The following UNC5D variants were observed in gnomAD, a reference collection of about 807,000 sequenced individuals.
UNC5D encodes the protein netrin receptor UNC5D.
UNC5D carries 39 observed loss-of-function variants against 105.4 expected under a neutral mutation model. The observed-to-expected ratio is 0.37, with a 90% confidence interval of 0.29 to 0.48. The LOEUF is 0.48. Ranked by LOEUF, UNC5D falls within the 20% of genes least tolerant of loss-of-function variation. UNC5D has a pLI of 0.98. For synonymous variants in UNC5D, 452 were observed against 450.4 expected (o/e 1.00, Z -0.04); for missense variants, 991 against 1,202.4 (o/e 0.82, Z 2.60).
chr8:35,794,081 G>A lies in UNC5D; in HGVS notation c.*3518G>A, dbSNP rs1803163055. ...TGTAGATGATTAAAATAGGATAATT[G>A]GTTTTAGATAATATCTTCTACTGCC... On this transcript the variant is annotated 3_prime_UTR_variant, in exon 17 of 17. Coordinates refer to ENST00000404895, the MANE Select transcript of UNC5D (RefSeq NM_080872.4). 1 of 151,998 alleles carries A rather than the reference G, an allele frequency of 6.6e-6. No individual in the cohort carries two copies. Among genetic ancestry groups the A allele is most frequent in the Non-Finnish European group, 1.5e-5 (1 of 67,980 alleles). 9.4% of individuals were successfully genotyped at this position (151,998 alleles called of 1,614,324 possible).
intron 1 of UNC5D, among the ~76,000 whole-genome samples, chr8:35,417,015 G>A (rs1335095712): frequency 1.3e-5 from 2 of 152,072 alleles, no homozygotes; most frequent in African/African-American, 4.8e-5. Flanking sequence ...ATACAGGCAT[G>A]CAATACATAT....
chr8:35,330,716 C>T (rs1810549722), intron 1 of UNC5D, among the ~76,000 whole-genome samples: 1 of 152,096 alleles, frequency 6.6e-6, no homozygotes. Context: ...ACTTTGATTA[C>T]CATAGAGTGG....
In UNC5D at chr8:35,791,223, AG is replaced by A. The variant is rs1187480458; in HGVS notation, c.*661del. On this transcript the variant is annotated 3_prime_UTR_variant, in exon 17 of 17. Transcript: ENST00000404895. The stretch of plus-strand genomic sequence containing the variant: ...TACTCCACCTTTTACTTTTTTCCTG[AG>A]ACAAATCTACCCTTATTCTTTCTTC... 1 of 153,752 alleles carries A rather than the reference AG, an allele frequency of 6.5e-6. No homozygotes were observed. The highest frequency in any genetic ancestry group is 2.4e-5 in the African/African-American group (1 of 41,462). 9.5% of individuals were successfully genotyped at this position (153,752 alleles called of 1,614,324 possible). A position where few individuals can be genotyped will look rare whatever the true frequency, so the allele number is the denominator to read the frequency against.
intron 1 of UNC5D, among the ~76,000 whole-genome samples, chr8:35,313,321 T>A (rs1809037627): frequency 6.6e-6 from 1 of 152,178 alleles, no homozygotes; most frequent in Non-Finnish European, 1.5e-5. Context: ...GATGCTCTGC[T>A]CCTCTGATAC....
chr8:35,445,090 C>A (rs566101897), intron 1 of UNC5D, among the ~76,000 whole-genome samples: 1 of 151,868 alleles, frequency 6.6e-6, no homozygotes, highest in Non-Finnish European at 1.5e-5. Flanking sequence ...GTACATCAGA[C>A]CTTATCCATT....
chr8:35,306,307 G>A (rs536526877), intron 1 of UNC5D, among the ~76,000 whole-genome samples: 7 of 151,774 alleles, frequency 4.6e-5, no homozygotes, highest in African/African-American at 7.3e-5. Flanking sequence ...ATCCACTGAG[G>A]TTTTTTTGTT....
intron 11 of UNC5D, among the ~76,000 whole-genome samples, chr8:35,739,807 G>A (rs1312319162): frequency 1.3e-5 from 2 of 151,978 alleles, no homozygotes; most frequent in African/African-American, 2.4e-5. Context: ...ACTTCATTTT[G>A]TTATAGCCTA....
intron 4 of UNC5D, among the ~76,000 whole-genome samples, chr8:35,621,246 G>A (rs1013173151): frequency 6.6e-6 from 1 of 152,136 alleles, no homozygotes; most frequent in Non-Finnish European, 1.5e-5. Flanking sequence ...ATTTTTGTTT[G>A]AATTGAGTCC....
chr8:35,745,988 T>C (rs1829985185), intron 11 of UNC5D, among the ~76,000 whole-genome samples: 1 of 152,058 alleles, frequency 6.6e-6, no homozygotes, highest in African/African-American at 2.4e-5. Context: ...CATTTTTTTT[T>C]TTGTCCACAT....
intron 7 of UNC5D, among the ~76,000 whole-genome samples, chr8:35,688,982 C>A (rs1826211133): frequency 6.6e-6 from 1 of 152,198 alleles, no homozygotes; most frequent in Non-Finnish European, 1.5e-5. Flanking sequence ...CTGACTGAGC[C>A]ATGGGATGTC....
chr8:35,327,405 T>C (rs550861063), intron 1 of UNC5D, among the ~76,000 whole-genome samples: 4 of 152,322 alleles, frequency 2.6e-5, no homozygotes, highest in African/African-American at 9.6e-5. Context: ...GACCCGTGCA[T>C]ACCACTGGTG....
chr8:35,516,988 C>G (rs1813140195), intron 1 of UNC5D, among the ~76,000 whole-genome samples: 1 of 152,208 alleles, frequency 6.6e-6, no homozygotes, highest in Admixed American at 6.5e-5. Context: ...ATGCTGTTCT[C>G]TTCATTGACA....
At chr8:35,509,767 A>C (rs1812578901) in intron 1 of UNC5D, among the ~76,000 whole-genome samples, 1 of 151,944 alleles carries the variant, frequency 6.6e-6, no homozygotes, top group South Asian at 2.1e-4. Context: ...CCTGTAATTC[A>C]GATCCCACAG....
chr8:35,789,891 AG>A (rs1271115102), intron 16 of UNC5D, among the ~76,000 whole-genome samples: 19 of 135,620 alleles, frequency 1.4e-4, no homozygotes, highest in African/African-American at 5.8e-4. Context: ...ATAGTCAAGA[AG>A]AAAACACACA....
intron 1 of UNC5D, among the ~76,000 whole-genome samples, chr8:35,412,122 T>C (rs982410483): frequency 6.6e-6 from 1 of 152,064 alleles, no homozygotes; most frequent in African/African-American, 2.4e-5. Flanking sequence ...CAGTGTCTGG[T>C]GGTCTGCTTT....
At chr8:35,747,448 C>A (rs1462886484) in intron 11 of UNC5D, among the ~76,000 whole-genome samples, 1 of 152,068 alleles carries the variant, frequency 6.6e-6, no homozygotes. Flanking sequence ...CTTTTTTGGT[C>A]AAGGATGAAG....
chr8:35,235,679 C>T lies in UNC5D; in HGVS notation c.-106C>T. The T allele has an allele frequency of 1.2e-6, 1 of 849,626 alleles. No homozygotes were observed. Among genetic ancestry groups the T allele is most frequent in the Non-Finnish European group, 1.6e-6 (1 of 640,818 alleles). 52.6% of individuals were successfully genotyped at this position (849,626 alleles called of 1,614,324 possible). ...GAAGCGATCGTGGAGCAGAGTCACT[C>T]TCTGAAGACTCCCGAGACCCATTCG... On this transcript the variant is annotated 5_prime_UTR_variant, in exon 1 of 17. Transcript: ENST00000404895.
intron 1 of UNC5D, among the ~76,000 whole-genome samples, chr8:35,303,139 T>A (rs2128872044): frequency 6.6e-6 from 1 of 152,224 alleles, no homozygotes; most frequent in Admixed American, 6.6e-5. Context: ...ATATACTAAG[T>A]CTTTGAAATC....
chr8:35,664,918 C>G lies in UNC5D; in HGVS notation c.571-18629C>G, dbSNP rs372565045. Among the ~76,000 whole-genome samples, 12 of 152,200 alleles carry G rather than the reference C, an allele frequency of 7.9e-5. No homozygotes were observed. In the East Asian group the frequency reaches 1.9e-3, roughly 25 times the overall value. ...GTTGTGCAGTGGTTTGATCATAACT[C>G]AAACTCCTGGGCTGAAGTGATCCTC... On this transcript the variant is annotated intron_variant, in intron 4 of 16. Transcript: ENST00000404895.
Sources: gnomAD v4.1 joint callset for allele counts (sites outside exome capture counted in the v4.1 genomes callset) on GRCh38, gnomAD v4.1.1 for gene constraint, MANE v1.5 for transcripts, NCBI Gene and HGNC (gene_info 2026-07-23, HGNC 2026-07-21) for gene names.